The following CLEC16A variants were observed in gnomAD, a reference collection of about 807,000 sequenced individuals.
The protein encoded by CLEC16A is protein CLEC16A.
Under a neutral mutation model 109.5 loss-of-function variants are expected in CLEC16A, and 51 were observed. The observed-to-expected ratio is 0.47, with a 90% confidence interval of 0.37 to 0.59. CLEC16A has a LOEUF of 0.59. Ranked by LOEUF, CLEC16A falls within the 20% of genes least tolerant of loss-of-function variation. The pLI, the probability that CLEC16A is intolerant of heterozygous loss-of-function variation, is 0.00. For synonymous variants in CLEC16A, 673 were observed against 564.2 expected (o/e 1.19, Z -2.73); for missense variants, 1,339 against 1,394.0 (o/e 0.96, Z 0.63).
chr16:11,022,337 CT>C (rs36094157), intron 12 of CLEC16A, among the ~76,000 whole-genome samples: 1,628 of 93,438 alleles, frequency 0.017, 4 homozygotes, highest in African/African-American at 0.058. Context: ...GTCTGGCTAC[CT>C]TTTTTTTTTT....
chr16:10,983,840 C>T, intron 10 of CLEC16A, among the ~76,000 whole-genome samples: 1 of 151,882 alleles, frequency 6.6e-6, no homozygotes, highest in East Asian at 1.9e-4. Context: ...GCACCTGGTT[C>T]CCTCTTTTCA....
Position 11,166,441 on chromosome 16 carries a change from C to A in CLEC16A, c.2695C>A (p.Gln899Lys). ...NQHSSPSLSS[Q>K]SPPSASGSPS... ...GCACAGCTCCCCGTCCCTGTCCTCA[C>A]AGTCGCCACCCTCCGCCAGCGGGAG... is the stretch of plus-strand genomic sequence containing the variant. The change falls in exon 23 of 24, where the codon CAG becomes AAG. Residue 899 changes from glutamine (Q) to lysine (K), a missense_variant. Physicochemically the swap from Gln to Lys is moderately conservative, Grantham distance 53. This residue lies in a region of CLEC16A where 1,061 missense variants were observed against 1,006.8 expected (regional missense o/e 1.05). Transcript: ENST00000409790. The A allele has an allele frequency of 3.1e-6, 5 of 1,607,382 alleles. No homozygotes were observed. Among genetic ancestry groups the A allele is most frequent in the Admixed American group, 3.3e-5 (2 of 59,980 alleles).
chr16:11,048,344 C>T (rs1357423588), intron 17 of CLEC16A: 6 of 152,264 alleles, frequency 3.9e-5, no homozygotes, highest in Non-Finnish European at 8.8e-5. Context: ...GCCATAGGTT[C>T]AGAAGATCCC....
At chr16:11,168,840 G>A (rs2068384289) in intron 23 of CLEC16A, among the ~76,000 whole-genome samples, 1 of 152,256 alleles carries the variant, frequency 6.6e-6, no homozygotes, top group Admixed American at 6.5e-5. Flanking sequence ...TGTTGGGATA[G>A]GAGCCCTTCT....
At chr16:11,079,924 A>G (rs1418759728) in intron 19 of CLEC16A, among the ~76,000 whole-genome samples, 1 of 152,200 alleles carries the variant, frequency 6.6e-6, no homozygotes, top group Non-Finnish European at 1.5e-5. Flanking sequence ...AGCAGTGTCT[A>G]GCAGAAGGTT....
At chr16:10,999,243 T>G (rs1567176458) in intron 10 of CLEC16A, among the ~76,000 whole-genome samples, 1 of 152,108 alleles carries the variant, frequency 6.6e-6, no homozygotes, top group Non-Finnish European at 1.5e-5. Flanking sequence ...GCTGAATGTT[T>G]AAAATAAAGT....
At chr16:11,107,921 C>T (rs2051322879) in intron 19 of CLEC16A, among the ~76,000 whole-genome samples, 1 of 152,222 alleles carries the variant, frequency 6.6e-6, no homozygotes, top group South Asian at 2.1e-4. Context: ...CTTCCTCTCC[C>T]CTCCACCCCG....
intron 19 of CLEC16A, among the ~76,000 whole-genome samples, chr16:11,064,051 A>T (rs1327765332): frequency 6.6e-6 from 1 of 152,174 alleles, no homozygotes; most frequent in Non-Finnish European, 1.5e-5. Context: ...AGAAAATAGC[A>T]TCATGAATCT....
rs528121704 is a variant in CLEC16A, at chr16:11,137,154, C to A, written c.2641+11008C>A. ...TATCTAAAGGAAAAGTCCATAAAAT[C>A]ACCCAAGGAAACATCCTAAGCCTTT... On this transcript the variant is annotated intron_variant, in intron 22 of 23. Coordinates refer to ENST00000409790, the MANE Select transcript of CLEC16A (RefSeq NM_015226.3). 6.6e-5 allele frequency among the ~76,000 whole-genome samples: 10 copies of A among 152,098 alleles called. No homozygotes were observed. In the South Asian group the frequency reaches 1.9e-3, roughly 28 times the overall value.
intron 3 of CLEC16A, among the ~76,000 whole-genome samples, chr16:10,968,571 A>G (rs953345879): frequency 1.3e-5 from 2 of 152,206 alleles, no homozygotes; most frequent in South Asian, 2.1e-4. Context: ...TGCACGGGTA[A>G]GTTAACATCT....
chr16:11,155,482 G>A (rs773042306), intron 22 of CLEC16A, among the ~76,000 whole-genome samples: 3 of 152,190 alleles, frequency 2.0e-5, no homozygotes, highest in Non-Finnish European at 2.9e-5. Flanking sequence ...GTGTCCAGCC[G>A]TCCGGTTAGC....
chr16:10,971,010 T>C (rs1281388242), intron 4 of CLEC16A, 115 bp from the exon 5 acceptor site: 67 of 163,198 alleles, frequency 4.1e-4, no homozygotes, highest in Admixed American at 8.4e-4. Flanking sequence ...TTGGCAACAT[T>C]TTTTTTTTTT....
At chr16:11,008,867 C>T (rs949267131) in intron 11 of CLEC16A, among the ~76,000 whole-genome samples, 32 of 147,568 alleles carry the variant, frequency 2.2e-4, no homozygotes, top group South Asian at 4.3e-4. Flanking sequence ...GGCGTGGTGG[C>T]GGGCACCTGT....
At chr16:11,146,171 T>C (rs1301113728) in intron 22 of CLEC16A, among the ~76,000 whole-genome samples, 5 of 152,132 alleles carry the variant, frequency 3.3e-5, no homozygotes, top group Admixed American at 3.3e-4. Context: ...TTCTATATAG[T>C]GGCAACCCTG....
chr16:11,076,694 C>A (rs928081050), intron 19 of CLEC16A, among the ~76,000 whole-genome samples: 4 of 152,196 alleles, frequency 2.6e-5, no homozygotes, highest in Non-Finnish European at 5.9e-5. Context: ...TGACAGACAG[C>A]GCGACCTTTA....
intron 22 of CLEC16A, among the ~76,000 whole-genome samples, chr16:11,138,008 C>T (rs906563348): frequency 3.3e-5 from 5 of 152,212 alleles, no homozygotes; most frequent in Admixed American, 3.3e-4. Flanking sequence ...CTGATGGCCT[C>T]TTCAAAGCAC....
At chr16:11,093,259 C>T (rs1402275263) in intron 19 of CLEC16A, among the ~76,000 whole-genome samples, 1 of 152,230 alleles carries the variant, frequency 6.6e-6, no homozygotes, top group African/African-American at 2.4e-5. Context: ...TCCCTGCCAT[C>T]CCTCACAGTG....
At chr16:11,129,490 A>G (rs920219761) in intron 22 of CLEC16A, among the ~76,000 whole-genome samples, 3 of 152,216 alleles carry the variant, frequency 2.0e-5, no homozygotes, top group Non-Finnish European at 4.4e-5. Flanking sequence ...AAAACTCCTC[A>G]GTACACCCCT....
At chr16:11,122,592 G>C (rs1360343690) in intron 20 of CLEC16A, among the ~76,000 whole-genome samples, 1 of 152,046 alleles carries the variant, frequency 6.6e-6, no homozygotes, top group Non-Finnish European at 1.5e-5. Context: ...TTTTGATGGG[G>C]GTGTTATCTC....
Sources: allele counts gnomAD v4.1 joint callset (sites outside exome capture counted in the v4.1 genomes callset), GRCh38; gene constraint gnomAD v4.1.1; regional missense constraint gnomAD v4.1.1; transcripts MANE v1.5; gene names NCBI Gene and HGNC (gene_info 2026-07-23, HGNC 2026-07-21).